CEP112: variants seen among roughly 807,000 people sequenced by gnomAD.
CEP112 encodes centrosomal protein of 112 kDa.
A neutral mutation model predicts 153.0 loss-of-function variants in CEP112; 127 were observed. That is an observed-to-expected ratio of 0.83 (90% confidence interval 0.72 to 0.96). The LOEUF (loss-of-function observed/expected upper bound fraction) is 0.96. Among genes scored for constraint, CEP112 ranks in the 40% least tolerant of loss-of-function variants. CEP112 has a pLI of 0.00. For missense variants in CEP112, 1,089 were observed against 1,101.2 expected (o/e 0.99, Z 0.16); for synonymous variants, 358 against 374.4 (o/e 0.96, Z 0.51).
intron 11 of CEP112, among the ~76,000 whole-genome samples, chr17:66,055,523 T>C (rs79360932): frequency 0.039 from 5,873 of 152,238 alleles, 151 homozygotes; most frequent in South Asian, 0.068. Context: ...GATAATGGGC[T>C]CTAAAGGAGT....
At chr17:66,010,943 G>A (rs1476918484) in intron 16 of CEP112, among the ~76,000 whole-genome samples, 2 of 151,986 alleles carry the variant, frequency 1.3e-5, no homozygotes, top group African/African-American at 4.8e-5. Context: ...TCTCTGTAAG[G>A]TTTTGGTATC....
At chr17:65,965,599 T>A (rs1273718471) in intron 17 of CEP112, among the ~76,000 whole-genome samples, 1 of 147,524 alleles carries the variant, frequency 6.8e-6, no homozygotes, top group Admixed American at 7.1e-5. Flanking sequence ...CAGGGCTCAC[T>A]GCAGCCTTGA....
intron 24 of CEP112, among the ~76,000 whole-genome samples, chr17:65,666,656 C>T (rs1229764735): frequency 1.3e-5 from 2 of 152,146 alleles, no homozygotes; most frequent in African/African-American, 4.8e-5. Flanking sequence ...AAGCAAGTGT[C>T]GCTCAATTTC....
chr17:65,945,431 T>A (rs111395165), intron 18 of CEP112, among the ~76,000 whole-genome samples: 3 of 152,214 alleles, frequency 2.0e-5, no homozygotes, highest in Non-Finnish European at 4.4e-5. Context: ...AAGGCACGCA[T>A]ATATTTAGTT....
chr17:66,036,850 CAAAG>C (rs1248928575), intron 12 of CEP112, among the ~76,000 whole-genome samples: 1 of 152,088 alleles, frequency 6.6e-6, no homozygotes. Context: ...ATAAAGTAAA[CAAAG>C]AAAAGCTAAA....
intron 21 of CEP112, among the ~76,000 whole-genome samples, chr17:65,823,845 C>T (rs7222342): frequency 0.96 from 145,631 of 152,214 alleles, 69,862 homozygotes; most frequent in East Asian, 1. Flanking sequence ...ATTCAGATGA[C>T]AAAATATACA....
chr17:66,164,556 CAA>C (rs11317339), intron 4 of CEP112, among the ~76,000 whole-genome samples: 3,266 of 104,550 alleles, frequency 0.031, 112 homozygotes, highest in African/African-American at 0.1. Context: ...AACTCTATCT[CAA>C]AAAAAAAAAA....
intron 4 of CEP112, among the ~76,000 whole-genome samples, chr17:66,173,457 A>C (rs989742679): frequency 2.6e-5 from 4 of 152,240 alleles, no homozygotes; most frequent in African/African-American, 9.6e-5. Context: ...CGATTCATTC[A>C]GTCCAGGAAG....
intron 19 of CEP112, among the ~76,000 whole-genome samples, chr17:65,910,150 G>A (rs567453658): frequency 6.6e-6 from 1 of 152,266 alleles, no homozygotes; most frequent in East Asian, 1.9e-4. Context: ...GACAGAGCCA[G>A]TATCAGTTTC....
At chr17:65,640,081 G>C (rs1400875027) in intron 25 of CEP112, among the ~76,000 whole-genome samples, 4 of 147,696 alleles carry the variant, frequency 2.7e-5, no homozygotes, top group Non-Finnish European at 5.9e-5. Flanking sequence ...CAGGTGATCT[G>C]CCCGCTGTGG....
chr17:66,150,051 GC>G (rs1025526881), intron 4 of CEP112, among the ~76,000 whole-genome samples: 1 of 146,972 alleles, frequency 6.8e-6, no homozygotes, highest in African/African-American at 2.5e-5. Flanking sequence ...ATGCTATCAT[GC>G]CCAGCTAATT....
intron 25 of CEP112, among the ~76,000 whole-genome samples, chr17:65,637,602 G>A (rs1367261345): frequency 1.3e-5 from 2 of 152,174 alleles, no homozygotes; most frequent in East Asian, 3.9e-4. Context: ...CCTCTCCTGT[G>A]GAATCGTTCA....
At chr17:66,067,145 C>G (rs1339335195) in intron 9 of CEP112, among the ~76,000 whole-genome samples, 1 of 151,970 alleles carries the variant, frequency 6.6e-6, no homozygotes, top group African/African-American at 2.4e-5. Flanking sequence ...ATAATTCTAG[C>G]CTAGTCAGAA....
chr17:65,983,036 GA>G (rs2063284591), intron 17 of CEP112, among the ~76,000 whole-genome samples: 1 of 152,152 alleles, frequency 6.6e-6, no homozygotes, highest in African/African-American at 2.4e-5. Flanking sequence ...ACAGAAAGCA[GA>G]ATGGTGGTTA....
At chr17:66,161,790 C>G (rs2071719768) in intron 4 of CEP112, among the ~76,000 whole-genome samples, 1 of 151,564 alleles carries the variant, frequency 6.6e-6, no homozygotes, top group South Asian at 2.1e-4. Context: ...ATGTAACAAA[C>G]CTGCACATTC....
chr17:65,706,238 A>G (rs2048906872), intron 23 of CEP112, among the ~76,000 whole-genome samples: 1 of 152,256 alleles, frequency 6.6e-6, no homozygotes, highest in African/African-American at 2.4e-5. Context: ...AAAGCCTTGA[A>G]TAATAGCTAC....
At chr17:66,013,698 G>C (rs1192731452) in intron 16 of CEP112, among the ~76,000 whole-genome samples, 2 of 152,202 alleles carry the variant, frequency 1.3e-5, no homozygotes, top group African/African-American at 4.8e-5. Context: ...TGTGATTAAT[G>C]CTTGTTTGCA....
chr17:66,183,378 TA>T (rs951869090), intron 1 of CEP112, 71 bp from the exon 2 acceptor site: 13 of 1,061,368 alleles, frequency 1.2e-5, no homozygotes, highest in South Asian at 3.1e-5. Context: ...ATGAGAAAGA[TA>T]AAAAAAACTC....
At chr17:66,088,141 A>C (rs896208017) in intron 8 of CEP112, among the ~76,000 whole-genome samples, 1 of 151,888 alleles carries the variant, frequency 6.6e-6, no homozygotes. Flanking sequence ...CCAGAGCCAG[A>C]CCAGCCCCTA....
Sources: allele counts gnomAD v4.1 joint callset (sites outside exome capture counted in the v4.1 genomes callset), GRCh38; gene constraint gnomAD v4.1.1; transcripts MANE v1.5; gene names NCBI Gene and HGNC (gene_info 2026-07-23, HGNC 2026-07-21).